Variants in FCHO1 observed in about 807,000 individuals in gnomAD.
The protein encoded by FCHO1 is FCH and mu domain containing endocytic adaptor 1.
A neutral mutation model predicts 114.4 loss-of-function variants in FCHO1; 45 were observed. That is an observed-to-expected ratio of 0.39 (90% CI 0.31 to 0.50). The LOEUF is 0.50. FCHO1 is among the 20% of genes least tolerant of loss of function. The pLI is 0.77. For missense variants in FCHO1, 1,042 were observed against 1,209.6 expected (o/e 0.86, Z 2.06); for synonymous variants, 480 against 488.9 (o/e 0.98, Z 0.24).
rs147143061 is a variant in FCHO1 at position 17,770,026 on chromosome 19, G to A, written c.337-399G>A. The stretch of plus-strand genomic sequence containing the variant: ...TAAAACACACACACAGAGGCCGGGC[G>A]TGGTGGCTCACACCTGTAATGCCAG... On this transcript the variant is annotated intron_variant, in intron 7 of 28. Coordinates refer to ENST00000596536, the MANE Select transcript of FCHO1 (RefSeq NM_015122.3). 8.8e-3 allele frequency among the ~76,000 whole-genome samples: 1,337 copies of A among 152,076 alleles called. 21 individuals carry two copies. Among genetic ancestry groups the A allele is most frequent in the African/African-American group, 0.03 (1,263 of 41,502 alleles).
intron 23 of FCHO1, among the ~76,000 whole-genome samples, 167 bp downstream of exon 23, chr19:17,781,987 CTTTTTTTTTTTTTTTTTTT>C (rs67498129): frequency 7.9e-6 from 1 of 126,022 alleles, no homozygotes. Flanking sequence ...ATAGGAGGGC[CTTTTTTTTTTTTTTTTTTT>C]TTTTTTTTTT....
At position 17,770,318 on chromosome 19, in the gene FCHO1, A is replaced by AAC. The variant is rs200187010; in HGVS notation, c.337-93_337-92dup. The AAC allele has an allele frequency of 4.2e-3, 5,018 of 1,208,018 alleles. 43 individuals carry two copies. Among genetic ancestry groups the AAC allele is most frequent in the African/African-American group, 0.031 (1,997 of 64,506 alleles). 74.8% of individuals were successfully genotyped at this position (1,208,018 alleles called of 1,614,324 possible). ...CTCTGTCTAAAAAAAACCAAACCAA[A>AAC]ACACACACACACACATAGAAAAAGA... On this transcript the variant is annotated intron_variant, in intron 7 of 28. Transcript: ENST00000596536.
chr19:17,779,815 G>T (rs887960886), intron 20 of FCHO1, among the ~76,000 whole-genome samples: 8 of 151,816 alleles, frequency 5.3e-5, no homozygotes, highest in Admixed American at 1.3e-4. Flanking sequence ...AGTGGACCCT[G>T]AGTGTGGGGA....
rs3746197 is a variant in FCHO1, at chr19:17,770,743, C to T, written c.490-49C>T. ...GCCAGGTGATGGGGCCTGGGGGAGG[C>T]CCCCTGAGTATCGCCCTCCCATCCC... On this transcript the variant is annotated intron_variant, in intron 8 of 28. Transcript: ENST00000596536. The T allele has an allele frequency of 0.44, 698,933 of 1,598,334 alleles. 158,561 individuals carry two copies. The highest frequency in any genetic ancestry group is 0.77 in the East Asian group (34,336 of 44,772).
chr19:17,749,360 G>A (rs758785932), upstream of FCHO1, among the ~76,000 whole-genome samples: 3 of 152,148 alleles, frequency 2.0e-5, no homozygotes, highest in Non-Finnish European at 4.4e-5. Context: ...AAGATGGGAG[G>A]AGTCTGTGGG....
chr19:17,773,969 GGT>G (rs1230448107), intron 11 of FCHO1, among the ~76,000 whole-genome samples: 1 of 150,952 alleles, frequency 6.6e-6, no homozygotes, highest in Non-Finnish European at 1.5e-5. Context: ...GGAGTGCAGT[GGT>G]GCAGTCTCGG....
intron 26 of FCHO1, 94 bp from the exon 27 acceptor site, chr19:17,786,480 T>A: frequency 7.7e-7 from 1 of 1,291,464 alleles, no homozygotes; most frequent in Non-Finnish European, 1.1e-6. Flanking sequence ...AGAAGGTTTG[T>A]TGGGGTCACA....
At chr19:17,762,970 G>C (rs934515770) in intron 5 of FCHO1, 117 bp downstream of exon 5, 8 of 676,456 alleles carry the variant, frequency 1.2e-5, no homozygotes, top group African/African-American at 3.6e-5. Flanking sequence ...CCAGGAACCA[G>C]AGGGGCTCGA....
At position 17,764,227 on chromosome 19, in the gene FCHO1, G is replaced by A; in HGVS notation, c.120-148G>A. 5.8e-6 allele frequency: 4 copies of A among 694,408 alleles called. No individual in the cohort carries two copies. The South Asian group carries it at 6.6e-5, about 12-fold the overall frequency. 43.0% of individuals were successfully genotyped at this position (694,408 alleles called of 1,614,324 possible). ...GGCTAATTTTTGTATTTTTAGTAGA[G>A]ACAGGGTTTCACCAAGTTGGCCAGG... On this transcript the variant is annotated intron_variant, in intron 5 of 28. Coordinates refer to ENST00000596536, the MANE Select transcript of FCHO1 (RefSeq NM_015122.3).
intron 3 of FCHO1, 23 bp downstream of exon 3, chr19:17,754,704 G>A (rs2082886978): frequency 6.1e-6 from 1 of 164,118 alleles, no homozygotes; most frequent in Admixed American, 5.9e-5. Flanking sequence ...CCCTCTGGGG[G>A]AGGGGAGGGC....
rs932963923 is a variant in FCHO1 at position 17,776,538 on chromosome 19, T to C, written c.1208-97T>C. The C allele has an allele frequency of 2.4e-5, 34 of 1,404,148 alleles. No individual in the cohort carries two copies. The highest frequency in any genetic ancestry group is 3.4e-5 in the Non-Finnish European group (34 of 992,678). 87.0% of individuals were successfully genotyped at this position (1,404,148 alleles called of 1,614,324 possible). A position where few individuals can be genotyped will look rare whatever the true frequency, so the allele number is the denominator to read the frequency against. On this transcript the variant is annotated intron_variant, in intron 17 of 28. Coordinates refer to ENST00000596536, the MANE Select transcript of FCHO1 (RefSeq NM_015122.3). The surrounding 1 kb of genome is among the most constrained non-coding windows in gnomAD (Gnocchi z 4.4). ...TGATTTGCTGATCACCTTGGGCAAC[T>C]GGCTGGACACCCCCGAGCCTCGGTC...
At chr19:17,755,028 T>G in intron 3 of FCHO1, 90 bp from the exon 4 acceptor site, 1 of 833,038 alleles carries the variant, frequency 1.2e-6, no homozygotes, top group African/African-American at 1.7e-5. Context: ...TCCTTCATCC[T>G]TTCTCTCCTT....
In FCHO1 at chr19:17,784,174, A is replaced by G. The variant is rs1356442365; in HGVS notation, c.2165A>G (p.Gln722Arg). ...ATGGCAGCTCTGACCGAAGCCCTGC[A>G]GCGCCAGGCAGAGCAGAACCCCACT... ...LNMAALTEAL[Q>R]RQAEQNPTAS... The change falls in exon 25 of 29, where the codon CAG becomes CGG. Residue 722 changes from glutamine to arginine, a missense_variant. Coordinates refer to ENST00000596536, the MANE Select transcript of FCHO1 (RefSeq NM_015122.3). The surrounding 1 kb of genome is among the most constrained non-coding windows in gnomAD (Gnocchi z 5.3). 3.1e-6 allele frequency: 5 copies of G among 1,613,902 alleles called. No homozygotes were observed. Among genetic ancestry groups the G allele is most frequent in the Non-Finnish European group, 4.2e-6 (5 of 1,180,002 alleles).
intron 9 of FCHO1, 106 bp from the exon 10 acceptor site, chr19:17,772,351 C>G (rs1366624472): frequency 1.2e-5 from 10 of 820,572 alleles, no homozygotes; most frequent in Non-Finnish European, 2.1e-5. Flanking sequence ...CCAAATCAAT[C>G]ACTGAGCCAA....
intron 4 of FCHO1, 183 bp from the exon 5 acceptor site, chr19:17,762,579 C>G (rs1161995689): frequency 1.7e-6 from 1 of 592,996 alleles, no homozygotes; most frequent in Non-Finnish European, 3.0e-6. Flanking sequence ...TCTGATTGGA[C>G]AAATTTAAGG....
chr19:17,778,439 A>T (rs1277579789), intron 19 of FCHO1, 170 bp from the exon 20 acceptor site: 1 of 832,310 alleles, frequency 1.2e-6, no homozygotes, highest in Non-Finnish European at 1.8e-6. Context: ...GATGGGCCGG[A>T]CATTTGTGGA....
Position 17,778,157 on chromosome 19 carries a change from C to A in FCHO1, c.1280C>A (p.Ser427Ter). ...RTSSCAERLQSEEQVSKNLFG... is the reference protein window; with the variant it reads ...RTSSCAERLQ ...TCTAGCTGTGCAGAGAGATTGCAGT[C>A]AGAGGAGCAGGTGTCCAAGAACCTC... is the stretch of plus-strand genomic sequence containing the variant. The change falls in exon 19 of 29, where the codon TCA becomes TAA. Residue 427 changes from serine (S) to a stop codon, truncating the protein, a stop_gained. Coordinates refer to ENST00000596536, the MANE Select transcript of FCHO1 (RefSeq NM_015122.3). LOFTEE classifies it high-confidence loss of function. 1 of 1,613,834 alleles carries A rather than the reference C, an allele frequency of 6.2e-7. No homozygotes were observed. The highest frequency in any genetic ancestry group is 8.5e-7 in the Non-Finnish European group (1 of 1,179,876).
At chr19:17,779,545 A>G (rs11669601) in intron 20 of FCHO1, among the ~76,000 whole-genome samples, 128,360 of 142,942 alleles carry the variant, frequency 0.9, 57,894 homozygotes, top group Middle Eastern at 0.97. Context: ...ATGGGGAAGG[A>G]GCGGAGTCAA....
Position 17,776,398 on chromosome 19 carries a change from C to T in FCHO1, c.1207+127C>T. 1.6e-6 allele frequency: 2 copies of T among 1,261,956 alleles called. No individual in the cohort carries two copies. The highest frequency in any genetic ancestry group is 1.7e-5 in the Admixed American group (1 of 58,978). 78.2% of individuals were successfully genotyped at this position (1,261,956 alleles called of 1,614,324 possible). A position where few individuals can be genotyped will look rare whatever the true frequency, so the allele number is the denominator to read the frequency against. ...CTTAACCACACTGACCTTCAGTCTC[C>T]TTTTCTGTAAAATGAGGTCATTATG... On this transcript the variant is annotated intron_variant, in intron 17 of 28. Transcript: ENST00000596536. This position sits in a 1 kb window ranked among gnomAD's most constrained non-coding sequence, Gnocchi z 4.4.
Sources: gnomAD v4.1 joint callset for allele counts (sites outside exome capture counted in the v4.1 genomes callset) on GRCh38, gnomAD v4.1.1 for gene constraint, Gnocchi (gnomAD v3.1) non-coding constraint, MANE v1.5 for transcripts, NCBI Gene and HGNC (gene_info 2026-07-23, HGNC 2026-07-21) for gene names.